Variants in SCARF2 observed in about 807,000 individuals in gnomAD.
SCARF2 encodes the protein scavenger receptor class F member 2.
SCARF2 carries 39 observed loss-of-function variants against 73.4 expected under a neutral mutation model. That is an observed-to-expected ratio of 0.53 (90% CI 0.41 to 0.69). The LOEUF (loss-of-function observed/expected upper bound fraction) is 0.69, where lower values mean the gene tolerates loss of function less well. SCARF2 is among the 30% of genes least tolerant of loss of function. SCARF2 has a pLI of 0.00. For synonymous variants in SCARF2, 605 were observed against 590.0 expected (o/e 1.03, Z -0.37); for missense variants, 1,148 against 1,303.5 (o/e 0.88, Z 1.84).
rs752435433 is a variant in SCARF2, at chr22:20,426,097, C to A, written c.1879G>T (p.Ala627Ser). ...GPGGALYARV[A>S]RREARPARAR... is the part of the protein sequence containing the mutation. ...CGGGCCGGCCGGGCCTCGCGTCGGG[C>A]CACGCGCGCGTACAGAGCCCCTCCG... The change falls in exon 11 of 11, where the codon GCC becomes TCC. Residue 627 changes from alanine (A) to serine (S), a missense_variant. By Grantham distance (99) the Ala-to-Ser change is moderately conservative. Around this residue, in one of 5 missense-constraint regions of SCARF2, gnomAD observed 437 missense variants for 433.6 expected, o/e 1.01. Transcript: ENST00000622235. 2.9e-5 allele frequency: 44 copies of A among 1,496,568 alleles called. No individual in the cohort carries two copies. Among genetic ancestry groups the A allele is most frequent in the Non-Finnish European group, 3.8e-5 (43 of 1,132,780 alleles). The allele number at this position is 1,496,568 out of a possible 1,614,324, so 92.7% of individuals were successfully genotyped here. A position where few individuals can be genotyped will look rare whatever the true frequency, so the allele number is the denominator to read the frequency against.
At chr22:20,434,441 G>A (rs1413160858) in intron 1 of SCARF2, among the ~76,000 whole-genome samples, 2 of 152,208 alleles carry the variant, frequency 1.3e-5, no homozygotes, top group Non-Finnish European at 2.9e-5. Context: ...GAGTGCACTC[G>A]GTCATCTCTG....
chr22:20,425,254 T>A lies in SCARF2; in HGVS notation c.*121A>T. 1 of 854,998 alleles carries A rather than the reference T, an allele frequency of 1.2e-6. No homozygotes were observed. The highest frequency in any genetic ancestry group is 1.6e-6 in the Non-Finnish European group (1 of 626,626). The allele number at this position is 854,998 out of a possible 1,614,324, so 53.0% of individuals were successfully genotyped here. On this transcript the variant is annotated 3_prime_UTR_variant, in exon 11 of 11. Transcript: ENST00000622235. This position sits in a 1 kb window ranked among gnomAD's most constrained non-coding sequence, Gnocchi z 4.6. Reference sequence around the variant, plus strand: ...GGACCTGAGCCAATGAGACGCAACCTCCGCTAGCCGCGCGGTGCCCGGCCA... The same window carrying A: ...GGACCTGAGCCAATGAGACGCAACCACCGCTAGCCGCGCGGTGCCCGGCCA...
intron 1 of SCARF2, 57 bp downstream of exon 1, chr22:20,437,525 C>T: frequency 6.6e-7 from 1 of 1,518,286 alleles, no homozygotes; most frequent in Non-Finnish European, 8.8e-7. Flanking sequence ...CCGGCGCCGC[C>T]ACACCACTGC....
In SCARF2 at chr22:20,425,687, C is replaced by T; in HGVS notation, c.2289G>A (p.Ala763=). 2.4e-6 allele frequency: 3 copies of T among 1,237,256 alleles called. No individual in the cohort carries two copies. The highest frequency in any genetic ancestry group is 3.2e-5 in the East Asian group (1 of 30,962). 76.6% of individuals were successfully genotyped at this position (1,237,256 alleles called of 1,614,324 possible). The change falls in exon 11 of 11, where the codon GCG becomes GCA. Residue 763 remains alanine, a synonymous_variant. Coordinates refer to ENST00000622235, the MANE Select transcript of SCARF2 (RefSeq NM_182895.5). The surrounding 1 kb of genome is among the most constrained non-coding windows in gnomAD (Gnocchi z 4.6). Reference sequence around the variant, plus strand: ...CGGCCAACATGGAGGCAGCCTCGGGCGCGCTTCGCGGGGGACCGCCGGCGT... The same window carrying T: ...CGGCCAACATGGAGGCAGCCTCGGGTGCGCTTCGCGGGGGACCGCCGGCGT... ...PTDAGGPPRS[A]PEAASMLAAE... is the part of the protein sequence containing the mutation.
At chr22:20,426,359 A>T in intron 10 of SCARF2, 77 bp from the exon 11 acceptor site, 1 of 1,480,336 alleles carries the variant, frequency 6.8e-7, no homozygotes, top group South Asian at 1.2e-5. Context: ...GCAAACCTTC[A>T]CCTTTCCTCC....
intron 1 of SCARF2, 43 bp downstream of exon 1, chr22:20,437,539 G>A (rs779164202): frequency 1.3e-6 from 2 of 1,545,052 alleles, no homozygotes; most frequent in South Asian, 1.2e-5. Context: ...CCACTGCCCA[G>A]AGCGTCCCTC....
intron 1 of SCARF2, among the ~76,000 whole-genome samples, chr22:20,436,237 G>A (rs2052697346): frequency 6.6e-6 from 1 of 152,234 alleles, no homozygotes; most frequent in South Asian, 2.1e-4. Flanking sequence ...TGCAGACCAG[G>A]GGAGCGGGAG....
chr22:20,436,716 C>T (rs2052704087), intron 1 of SCARF2, among the ~76,000 whole-genome samples: 1 of 152,194 alleles, frequency 6.6e-6, no homozygotes, highest in African/African-American at 2.4e-5. Flanking sequence ...GGCGCCCCCA[C>T]ACGCCCGCTC....
intron 6 of SCARF2, chr22:20,430,041 T>A: frequency 3.2e-6 from 2 of 630,644 alleles, no homozygotes; most frequent in Non-Finnish European, 5.5e-6. Flanking sequence ...TGCACAACAC[T>A]AGTGGGGGGG....
Position 20,426,276 on chromosome 22 carries a change from G to A in SCARF2, c.1700C>T (p.Pro567Leu). Residue 567 changes from proline (P) to leucine (L), a missense_variant, in exon 11 of 11, where the codon CCA becomes CTA. By Grantham distance (98) the Pro-to-Leu change is moderately conservative (BLOSUM62 -3). Coordinates refer to ENST00000622235, the MANE Select transcript of SCARF2 (RefSeq NM_182895.5). ...GACTTCGGGGTCCCGGCTCTCCGCT[G>A]GTGCCTCTGGCAAGGGAAGAGCAGG... is the stretch of plus-strand genomic sequence containing the variant. ...PVYCVPHEEA[P>L]AESRDPEVPT... 3 of 1,533,878 alleles carry A rather than the reference G, an allele frequency of 2.0e-6. No individual in the cohort carries two copies. Among genetic ancestry groups the A allele is most frequent in the Non-Finnish European group, 2.6e-6 (3 of 1,146,598 alleles).
At chr22:20,432,146 G>A (rs1416997855) in intron 1 of SCARF2, among the ~76,000 whole-genome samples, 158 bp from the exon 2 acceptor site, 1 of 152,118 alleles carries the variant, frequency 6.6e-6, no homozygotes, top group African/African-American at 2.4e-5. Flanking sequence ...GTCGTCTGGC[G>A]GTGGAGGATT....
At position 20,425,907 on chromosome 22, in the gene SCARF2, G is replaced by A; in HGVS notation, c.2069C>T (p.Ala690Val). Reference protein sequence around the residue: ...APSPPPPGSEAAPSPSKRKRT... With the variant: ...APSPPPPGSEVAPSPSKRKRT... ...TTTCCTCTTGCTGGGGCTGGGCGCG[G>A]CCTCGGAGCCTGGCGGCGGTGGTGA... is the stretch of plus-strand genomic sequence containing the variant. Residue 690 changes from alanine (A) to valine (V), a missense_variant, in exon 11 of 11, where the codon GCC (alanine) becomes GTC (valine). By Grantham distance (64) the Ala-to-Val change is moderately conservative. Coordinates refer to ENST00000622235, the MANE Select transcript of SCARF2 (RefSeq NM_182895.5). This position sits in a 1 kb window ranked among gnomAD's most constrained non-coding sequence, Gnocchi z 4.6. 3.1e-6 allele frequency: 5 copies of A among 1,598,226 alleles called. No individual in the cohort carries two copies. The East Asian group carries it at 9.2e-5, about 29-fold the overall frequency.
At chr22:20,428,092 G>A (rs1036811241) in intron 9 of SCARF2, among the ~76,000 whole-genome samples, 6 of 152,182 alleles carry the variant, frequency 3.9e-5, no homozygotes, top group African/African-American at 1.4e-4. Context: ...TCCACAGAGG[G>A]ATGTGGGGTC....
At chr22:20,427,680 G>C (rs1003926593) in intron 9 of SCARF2, 130 bp from the exon 10 acceptor site, 3 of 1,040,152 alleles carry the variant, frequency 2.9e-6, no homozygotes, top group Non-Finnish European at 2.8e-6. Context: ...AGGGGGCACA[G>C]GCAACTCAAC....
intron 1 of SCARF2, among the ~76,000 whole-genome samples, chr22:20,434,500 C>T (rs1346864013): frequency 2.0e-5 from 3 of 152,236 alleles, no homozygotes; most frequent in Non-Finnish European, 4.4e-5. Flanking sequence ...TGCCCACCAG[C>T]AGGACAGAGT....
In SCARF2 at chr22:20,432,067, G is replaced by GCGCAGCCTCCC. The variant is rs1328746086; in HGVS notation, c.174-80_174-79insGGGAGGCTGCG. 5.0e-5 allele frequency: 71 copies of GCGCAGCCTCCC among 1,421,150 alleles called. No homozygotes were observed. The Middle Eastern group carries it at 6.5e-4, about 13-fold the overall frequency. 88.0% of individuals were successfully genotyped at this position (1,421,150 alleles called of 1,614,324 possible). The stretch of plus-strand genomic sequence containing the variant: ...TGCTCCGGGCTCCTCCGCAGCCTCC[G>GCGCAGCCTCCC]CACAGCCTCCCTGCCTCTGCAGTTG... On this transcript the variant is annotated intron_variant, in intron 1 of 10. Transcript: ENST00000622235.
At chr22:20,432,066 C>G in intron 1 of SCARF2, 78 bp from the exon 2 acceptor site, 1 of 1,418,644 alleles carries the variant, frequency 7.0e-7, no homozygotes, top group Non-Finnish European at 9.7e-7. Context: ...CCGCAGCCTC[C>G]GCACAGCCTC....
Position 20,425,503 on chromosome 22 carries a change from C to T in SCARF2, c.2473G>A (p.Glu825Lys), listed in dbSNP as rs759276993. 6 of 1,361,014 alleles carry T rather than the reference C, an allele frequency of 4.4e-6. No individual in the cohort carries two copies. In the South Asian group the frequency reaches 9.0e-5, roughly 20 times the overall value. 84.3% of individuals were successfully genotyped at this position (1,361,014 alleles called of 1,614,324 possible). The change falls in exon 11 of 11, where the codon GAG becomes AAG. Residue 825 changes from glutamate (E) to lysine (K), a missense_variant. This residue lies in a region of SCARF2 where 169 missense variants were observed against 136.9 expected (regional missense o/e 1.23). Coordinates refer to ENST00000622235, the MANE Select transcript of SCARF2 (RefSeq NM_182895.5). The surrounding 1 kb of genome is among the most constrained non-coding windows in gnomAD (Gnocchi z 4.6). ...APPATETPGP[E>K]KAATDLPAPE... The stretch of plus-strand genomic sequence containing the variant: ...GCGGGCAAGTCGGTCGCCGCCTTCT[C>T]AGGCCCCGGGGTTTCGGTCGCTGGG...
At chr22:20,428,386 C>T (rs1228717816) in intron 9 of SCARF2, among the ~76,000 whole-genome samples, 5 of 152,142 alleles carry the variant, frequency 3.3e-5, no homozygotes, top group African/African-American at 1.2e-4. Flanking sequence ...CTCCCTGCAA[C>T]CTCTGCCTCC....
Sources: gnomAD v4.1 joint callset for allele counts (sites outside exome capture counted in the v4.1 genomes callset) on GRCh38, gnomAD v4.1.1 for gene constraint, gnomAD v4.1.1 regional missense constraint, Gnocchi (gnomAD v3.1) non-coding constraint, MANE v1.5 for transcripts, NCBI Gene and HGNC (gene_info 2026-07-23, HGNC 2026-07-21) for gene names.